The following EPHX1 variants were observed in gnomAD, a reference collection of about 807,000 sequenced individuals.
EPHX1 encodes epoxide hydratase.
A neutral mutation model predicts 43.2 loss-of-function variants in EPHX1; 40 were observed. The ratio of observed to expected loss-of-function variants is 0.93; its 90% CI spans 0.72 to 1.21. EPHX1 has a LOEUF of 1.21. Ranked by LOEUF, EPHX1 falls within the 50% of genes most tolerant of loss-of-function variation. The pLI, the probability that EPHX1 is intolerant of heterozygous loss-of-function variation, is 0.00. For missense variants in EPHX1, 550 were observed against 570.4 expected (o/e 0.96, Z 0.36); for synonymous variants, 221 against 226.7 (o/e 0.98, Z 0.22).
At chr1:225,827,918 C>CCT (rs34799615) in intron 1 of EPHX1, among the ~76,000 whole-genome samples, 129,362 of 152,092 alleles carry the variant, frequency 0.85, 55,209 homozygotes, top group East Asian at 1. Context: ...CCCATTACCC[C>CCT]GTCTGCCCTG....
chr1:225,842,885 G>C (rs1264625703), intron 7 of EPHX1, among the ~76,000 whole-genome samples: 1 of 152,196 alleles, frequency 6.6e-6, no homozygotes, highest in African/African-American at 2.4e-5. Flanking sequence ...ACAGGAGGCT[G>C]TTAATCTCTC....
At position 225,842,302 on chromosome 1, in the gene EPHX1, C is replaced by T; in HGVS notation, c.932-64C>T. On this transcript the variant is annotated intron_variant, in intron 6 of 8. Transcript: ENST00000272167. Reference sequence around the variant, plus strand: ...TCTGCGGCCAGTGCCACACATCACACCTGAAGCTCCAGCTCTCTGGTCCCC... The same window carrying T: ...TCTGCGGCCAGTGCCACACATCACATCTGAAGCTCCAGCTCTCTGGTCCCC... The T allele has an allele frequency of 1.4e-5, 18 of 1,253,488 alleles. No individual in the cohort carries two copies. In the Middle Eastern group the frequency reaches 2.2e-3, roughly 156 times the overall value. The allele number at this position is 1,253,488 out of a possible 1,614,324, so 77.6% of individuals were successfully genotyped here.
intron 1 of EPHX1, among the ~76,000 whole-genome samples, chr1:225,814,983 C>T (rs1332958833): frequency 6.6e-6 from 1 of 152,234 alleles, no homozygotes; most frequent in Non-Finnish European, 1.5e-5. Context: ...CTCTTACCAG[C>T]TCTTTGGGGG....
Position 225,831,802 on chromosome 1 carries a change from G to A in EPHX1, c.207G>A (p.Lys69=). 6.2e-7 allele frequency: 1 copy of A among 1,614,120 alleles called. No individual in the cohort carries two copies. Among genetic ancestry groups the A allele is most frequent in the Non-Finnish European group, 8.5e-7 (1 of 1,180,026 alleles). ...EIHDLHQRID[K]FRFTPPLEDS... ...AGGACTTACACCAGAGGATCGATAA[G>A]TTCCGTTTCACCCCACCTTTGGAGG... Residue 69 remains lysine, a synonymous_variant, in exon 3 of 9, where the codon AAG becomes AAA. Coordinates refer to ENST00000272167, the MANE Select transcript of EPHX1 (RefSeq NM_001136018.4).
chr1:225,834,832 T>A (rs1172113061), intron 3 of EPHX1, among the ~76,000 whole-genome samples: 1 of 152,188 alleles, frequency 6.6e-6, no homozygotes, highest in African/African-American at 2.4e-5. Context: ...TCCCAGCTCT[T>A]CAGTGTCCAT....
At chr1:225,834,172 C>T (rs140632395) in intron 3 of EPHX1, among the ~76,000 whole-genome samples, 8,413 of 147,230 alleles carry the variant, frequency 0.057, 343 homozygotes, top group East Asian at 0.16. Flanking sequence ...TGTGGGAGGC[C>T]GAGGCGGGTG....
intron 1 of EPHX1, among the ~76,000 whole-genome samples, chr1:225,826,955 A>G (rs1264483880): frequency 6.6e-6 from 1 of 152,082 alleles, no homozygotes; most frequent in Admixed American, 6.5e-5. Context: ...GGGGGGTGCC[A>G]AGCTGATTTT....
chr1:225,843,758 C>G (rs1668643317), intron 7 of EPHX1, among the ~76,000 whole-genome samples: 1 of 152,220 alleles, frequency 6.6e-6, no homozygotes, highest in African/African-American at 2.4e-5. Flanking sequence ...AAGCTGCGGG[C>G]AGAGCTGAAA....
intron 1 of EPHX1, chr1:225,825,271 T>C (rs1386259818): frequency 1.3e-5 from 2 of 152,292 alleles, no homozygotes; most frequent in African/African-American, 2.4e-5. Context: ...ACACATGAGA[T>C]TGGCTGACTT....
In EPHX1 at chr1:225,828,828, G is replaced by T. The variant is rs1297685901; in HGVS notation, c.99G>T (p.Trp33Cys). The T allele has an allele frequency of 2.5e-6, 4 of 1,613,206 alleles. No individual in the cohort carries two copies. The highest frequency in any genetic ancestry group is 3.4e-6 in the Non-Finnish European group (4 of 1,179,730). ...AAACTTTGCCACTTGAAGATGGGTG[G>T]TGGGGGCCAGGCACGAGGTCCGCAG... Reference protein sequence around the residue: ...KEETLPLEDGWWGPGTRSAAR... With the variant: ...KEETLPLEDGCWGPGTRSAAR... Residue 33 changes from tryptophan to cysteine, a missense_variant, in exon 2 of 9, where the codon TGG becomes TGT. By Grantham distance (215) the Trp-to-Cys change is radical. Transcript: ENST00000272167.
At chr1:225,830,890 A>G (rs565977886) in intron 2 of EPHX1, among the ~76,000 whole-genome samples, 3 of 152,238 alleles carry the variant, frequency 2.0e-5, no homozygotes, top group Non-Finnish European at 4.4e-5. Flanking sequence ...GCCCATGCCA[A>G]GAATAGTGTT....
At chr1:225,812,211 C>T (rs1024886970) in intron 1 of EPHX1, among the ~76,000 whole-genome samples, 2 of 152,202 alleles carry the variant, frequency 1.3e-5, no homozygotes, top group Admixed American at 6.5e-5. Flanking sequence ...AGTGAGGGGA[C>T]TCCTGAGCTT....
rs146663878 is a variant in EPHX1 at position 225,844,390 on chromosome 1, A to G, written c.1041-108A>G. The G allele has an allele frequency of 2.8e-3, 4,307 of 1,562,574 alleles. 12 individuals are homozygous for G. The highest frequency in any genetic ancestry group is 5.9e-3 in the Middle Eastern group (35 of 5,956). Reference sequence around the variant, plus strand: ...CACACACGTTGCATGAGGTCTGAGGAGGGAAGCCGCATGGGCAGGGCCTGG... The same window carrying G: ...CACACACGTTGCATGAGGTCTGAGGGGGGAAGCCGCATGGGCAGGGCCTGG... On this transcript the variant is annotated intron_variant, in intron 7 of 8. Coordinates refer to ENST00000272167, the MANE Select transcript of EPHX1 (RefSeq NM_001136018.4).
At chr1:225,835,565 AT>A (rs1167901208) in intron 3 of EPHX1, among the ~76,000 whole-genome samples, 4 of 150,952 alleles carry the variant, frequency 2.6e-5, no homozygotes, top group Non-Finnish European at 5.9e-5. Context: ...AATTTTTTGT[AT>A]TTTTAGTAGA....
At chr1:225,834,256 T>C (rs1265398008) in intron 3 of EPHX1, among the ~76,000 whole-genome samples, 1 of 150,572 alleles carries the variant, frequency 6.6e-6, no homozygotes, top group African/African-American at 2.5e-5. Flanking sequence ...AATACAAAAA[T>C]TAGCTGGGCA....
chr1:225,837,075 G>A (rs998814189), intron 3 of EPHX1, among the ~76,000 whole-genome samples: 1 of 152,104 alleles, frequency 6.6e-6, no homozygotes, highest in African/African-American at 2.4e-5. Flanking sequence ...GTGGGTGTGA[G>A]GTATATGGGA....
intron 7 of EPHX1, 133 bp from the exon 8 acceptor site, chr1:225,844,365 C>A: frequency 1.4e-6 from 2 of 1,394,708 alleles, no homozygotes; most frequent in Non-Finnish European, 2.0e-6. Context: ...ACGAGGATAC[C>A]ACACACGTTG....
chr1:225,823,606 G>A (rs539524029), intron 1 of EPHX1, among the ~76,000 whole-genome samples: 3 of 152,322 alleles, frequency 2.0e-5, no homozygotes, highest in East Asian at 1.9e-4. Context: ...TGGCCCACCC[G>A]GTGGATGTAG....
chr1:225,812,780 C>T (rs1666546406), intron 1 of EPHX1, among the ~76,000 whole-genome samples: 1 of 152,216 alleles, frequency 6.6e-6, no homozygotes. Flanking sequence ...CTGGTCACCC[C>T]TGCTGAAGAA....
Sources: gnomAD v4.1 joint callset for allele counts (sites outside exome capture counted in the v4.1 genomes callset) on GRCh38, gnomAD v4.1.1 for gene constraint, MANE v1.5 for transcripts, NCBI Gene and HGNC (gene_info 2026-07-23, HGNC 2026-07-21) for gene names.